Variants in DLGAP4 observed in about 807,000 individuals in gnomAD.
DLGAP4 encodes the protein DLG associated protein 4, also known as disks large-associated protein 4.
DLGAP4 carries 18 observed loss-of-function variants against 86.9 expected under a neutral mutation model. The ratio of observed to expected loss-of-function variants is 0.21; its 90% CI spans 0.14 to 0.31. The LOEUF is 0.31. Among genes scored for constraint, DLGAP4 ranks in the 10% least tolerant of loss-of-function variants. The pLI is 1.00. For synonymous variants in DLGAP4, 548 were observed against 574.3 expected (o/e 0.95, Z 0.65); for missense variants, 1,085 against 1,362.6 (o/e 0.80, Z 3.21).
intron 2 of DLGAP4, among the ~76,000 whole-genome samples, chr20:36,378,879 T>C (rs985162498): frequency 1.3e-5 from 2 of 152,000 alleles, no homozygotes; most frequent in Non-Finnish European, 1.5e-5. Flanking sequence ...GGAAGCAAGT[T>C]TGAGCTTCAT....
At chr20:36,482,386 A>T (rs187411219) in intron 7 of DLGAP4, among the ~76,000 whole-genome samples, 43 of 152,254 alleles carry the variant, frequency 2.8e-4, no homozygotes, top group African/African-American at 1.0e-3. Flanking sequence ...CCCTCCATTG[A>T]CATCAGCCCT....
At chr20:36,364,379 T>A (rs1272287988) in intron 1 of DLGAP4, among the ~76,000 whole-genome samples, 1 of 152,112 alleles carries the variant, frequency 6.6e-6, no homozygotes, top group Non-Finnish European at 1.5e-5. Flanking sequence ...AGACTCCATC[T>A]CTAAAGAAAA....
intron 3 of DLGAP4, among the ~76,000 whole-genome samples, chr20:36,435,635 G>T (rs142977513): frequency 1.3e-5 from 2 of 152,148 alleles, no homozygotes; most frequent in Non-Finnish European, 2.9e-5. Context: ...CTGGGATCCC[G>T]TCCCCCCTCA....
chr20:36,371,693 G>A (rs1192306924), intron 2 of DLGAP4, among the ~76,000 whole-genome samples: 5 of 152,168 alleles, frequency 3.3e-5, no homozygotes, highest in Admixed American at 6.5e-5. Context: ...TGTTAGAAAC[G>A]GGGCCATGGA....
At chr20:36,385,504 C>CT (rs1018939984) in intron 2 of DLGAP4, among the ~76,000 whole-genome samples, 49 of 152,204 alleles carry the variant, frequency 3.2e-4, no homozygotes, top group African/African-American at 1.1e-3. Flanking sequence ...GGGCCTAGAA[C>CT]TGATGCCCTG....
chr20:36,501,087 C>T (rs544632947), intron 10 of DLGAP4, among the ~76,000 whole-genome samples: 60 of 137,012 alleles, frequency 4.4e-4, no homozygotes, highest in Non-Finnish European at 7.6e-4. Context: ...TTTTTTGAGA[C>T]GGAGTCTTGC....
At chr20:36,508,583 C>T (rs569275052) in intron 10 of DLGAP4, among the ~76,000 whole-genome samples, 22 of 152,228 alleles carry the variant, frequency 1.4e-4, no homozygotes, top group South Asian at 6.2e-4. Flanking sequence ...TGTGCCACCA[C>T]GCCCAGCTAA....
intron 1 of DLGAP4, among the ~76,000 whole-genome samples, chr20:36,358,318 G>A (rs1419235910): frequency 6.6e-6 from 1 of 152,186 alleles, no homozygotes; most frequent in Non-Finnish European, 1.5e-5. Flanking sequence ...TGGCTCCCCA[G>A]CTGATGCATG....
rs1352274107 is a variant in DLGAP4 at position 36,432,256 on chromosome 20, G to A, written c.539G>A (p.Arg180Gln). ...KKGGMEDGKG[R>Q]RAKSKERAKA... The stretch of plus-strand genomic sequence containing the variant: ...GGTGGCATGGAGGACGGCAAGGGCC[G>A]GAGGGCCAAAAGCAAGGAGCGGGCC... Residue 180 changes from arginine (R) to glutamine (Q), a missense_variant, in exon 3 of 13, where the codon CGG (arginine) becomes CAG (glutamine). By Grantham distance (43) the Arg-to-Gln change is conservative. This residue lies in a region of DLGAP4 where 1,082 missense variants were observed against 1,344.1 expected (regional missense o/e 0.81). Transcript: ENST00000339266. This position sits in a 1 kb window ranked among gnomAD's most constrained non-coding sequence, Gnocchi z 6.5. 76 of 1,613,668 alleles carry A rather than the reference G, an allele frequency of 4.7e-5. No individual in the cohort carries two copies. Among genetic ancestry groups the A allele is most frequent in the Non-Finnish European group, 6.0e-5 (71 of 1,179,890 alleles).
intron 1 of DLGAP4, among the ~76,000 whole-genome samples, chr20:36,322,915 C>G (rs553509203): frequency 9.1e-4 from 138 of 152,210 alleles, no homozygotes; most frequent in African/African-American, 3.3e-3. Flanking sequence ...TGGCTCACGC[C>G]TGTAATCCCA....
At chr20:36,404,750 GATGAATGAATGA>G (rs112826447) in intron 2 of DLGAP4, among the ~76,000 whole-genome samples, 111 of 151,476 alleles carry the variant, frequency 7.3e-4, no homozygotes, top group South Asian at 2.5e-3. Flanking sequence ...TTGTTGGTTG[GATGAATGAATGA>G]ATGAATGAAT....
chr20:36,412,647 A>C (rs2147504266), intron 2 of DLGAP4, among the ~76,000 whole-genome samples: 2 of 152,344 alleles, frequency 1.3e-5, no homozygotes, highest in East Asian at 3.9e-4. Flanking sequence ...GGAGGATTCA[A>C]AAAGATCATC....
chr20:36,307,300 G>T (rs1186988197), intron 1 of DLGAP4, among the ~76,000 whole-genome samples: 1 of 152,226 alleles, frequency 6.6e-6, no homozygotes, highest in Non-Finnish European at 1.5e-5. Context: ...GCGGGGACCA[G>T]CTGGGTCCAG....
intron 2 of DLGAP4, among the ~76,000 whole-genome samples, chr20:36,382,274 C>CA (rs1322596582): frequency 6.6e-6 from 1 of 151,890 alleles, no homozygotes; most frequent in African/African-American, 2.4e-5. Context: ...GACTGGAATG[C>CA]AGTGGGGCAA....
intron 1 of DLGAP4, among the ~76,000 whole-genome samples, chr20:36,349,711 A>G (rs782018475): frequency 6.6e-6 from 1 of 152,174 alleles, no homozygotes; most frequent in Non-Finnish European, 1.5e-5. Flanking sequence ...GTTGTTCAAC[A>G]GATAAGGTAC....
At position 36,433,389 on chromosome 20, in the gene DLGAP4, G is replaced by T. The variant is rs569352658; in HGVS notation, c.999+673G>T. On this transcript the variant is annotated intron_variant, in intron 3 of 12. Coordinates refer to ENST00000339266, the MANE Select transcript of DLGAP4 (RefSeq NM_001365621.2). ...AATGCCAACACTGATTCAGGCACTT[G>T]CTGTGCACCAAGGCCACATGGCTTG... Among the ~76,000 whole-genome samples, 3 of 152,240 alleles carry T rather than the reference G, an allele frequency of 2.0e-5. No individual in the cohort carries two copies. In the East Asian group the frequency reaches 5.8e-4, roughly 29 times the overall value.
chr20:36,429,874 A>G (rs2033082371), intron 2 of DLGAP4, among the ~76,000 whole-genome samples: 1 of 152,206 alleles, frequency 6.6e-6, no homozygotes, highest in Admixed American at 6.5e-5. Context: ...TCTGCCCTCC[A>G]TACTTGATGT....
intron 7 of DLGAP4, among the ~76,000 whole-genome samples, chr20:36,491,013 TG>T (rs2035638228): frequency 7.2e-6 from 1 of 138,506 alleles, no homozygotes; most frequent in Non-Finnish European, 1.5e-5. Flanking sequence ...ACCAACATGG[TG>T]AAACCCCATC....
intron 1 of DLGAP4, among the ~76,000 whole-genome samples, chr20:36,329,228 A>G (rs146476626): frequency 1.8e-3 from 275 of 152,136 alleles, no homozygotes; most frequent in African/African-American, 6.4e-3. Flanking sequence ...AATTTTATCT[A>G]TGTTTGGCCT....
Sources: gnomAD v4.1 joint callset for allele counts (sites outside exome capture counted in the v4.1 genomes callset) on GRCh38, gnomAD v4.1.1 for gene constraint, gnomAD v4.1.1 regional missense constraint, Gnocchi (gnomAD v3.1) non-coding constraint, MANE v1.5 for transcripts, NCBI Gene and HGNC (gene_info 2026-07-23, HGNC 2026-07-21) for gene names.